INSIG1: variants seen among roughly 807,000 people sequenced by gnomAD.
INSIG1 encodes the protein insulin induced gene 1, also known as insulin-induced gene 1 protein.
Under a neutral mutation model 26.5 loss-of-function variants are expected in INSIG1, and 14 were observed. That is an observed-to-expected ratio of 0.53 (90% confidence interval 0.35 to 0.83). The LOEUF (loss-of-function observed/expected upper bound fraction) is 0.83, where lower values mean the gene tolerates loss of function less well. Ranked by LOEUF, INSIG1 falls within the 40% of genes least tolerant of loss-of-function variation. INSIG1 has a pLI of 0.01. For missense variants in INSIG1, 272 were observed against 368.9 expected (o/e 0.74, Z 2.15); for synonymous variants, 147 against 153.3 (o/e 0.96, Z 0.30).
intron 5 of INSIG1, among the ~76,000 whole-genome samples, chr7:155,305,898 T>G (rs1316802439): frequency 6.6e-6 from 1 of 152,262 alleles, no homozygotes; most frequent in Non-Finnish European, 1.5e-5. Context: ...TTCTATGTGG[T>G]ATTTCCCCCC....
Position 155,298,613 on chromosome 7 carries a change from A to C in INSIG1, c.328A>C (p.Asn110His). ...GCTCAACCTGCTGCAGATCCAGAGGAATGTCACTCTCTTCCCCGAGGAGGT... is the reference window on the plus strand; with the variant it reads ...GCTCAACCTGCTGCAGATCCAGAGGCATGTCACTCTCTTCCCCGAGGAGGT... ...LVLNLLQIQR[N>H]VTLFPEEVIA... is the part of the protein sequence containing the mutation. The change falls in exon 2 of 6, where the codon AAT becomes CAT. Residue 110 changes from asparagine (N) to histidine (H), a missense_variant. Physicochemically the swap from Asn to His is moderately conservative, Grantham distance 68. Transcript: ENST00000340368. The C allele has an allele frequency of 6.2e-7, 1 of 1,613,388 alleles. No individual in the cohort carries two copies.
chr7:155,300,756 G>C (rs1797761464), intron 2 of INSIG1, among the ~76,000 whole-genome samples: 1 of 152,150 alleles, frequency 6.6e-6, no homozygotes, highest in Non-Finnish European at 1.5e-5. Context: ...CTGTGTCCCA[G>C]TTACATAATC....
At chr7:155,300,099 A>G (rs1161944990) in intron 2 of INSIG1, among the ~76,000 whole-genome samples, 1 of 152,162 alleles carries the variant, frequency 6.6e-6, no homozygotes, top group East Asian at 1.9e-4. Context: ...ACATTTTTTG[A>G]GAACTATATC....
chr7:155,305,196 C>T (rs183286360), intron 5 of INSIG1, among the ~76,000 whole-genome samples: 8 of 151,856 alleles, frequency 5.3e-5, no homozygotes, highest in African/African-American at 1.9e-4. Flanking sequence ...TAATCCCCTT[C>T]CCTGCTGGGC....
rs1313501864 is a variant in INSIG1, at chr7:155,298,482, C to T, written c.197C>T (p.Ala66Val). The T allele has an allele frequency of 1.3e-6, 2 of 1,565,014 alleles. No individual in the cohort carries two copies. The highest frequency in any genetic ancestry group is 3.8e-5 in the Admixed American group (2 of 53,320). Residue 66 changes from alanine (A) to valine (V), a missense_variant, in exon 2 of 6, where the codon GCG becomes GTG. Physicochemically the swap from Ala to Val is moderately conservative, Grantham distance 64. Around this residue, in one of 2 missense-constraint regions of INSIG1, gnomAD observed 161 missense variants for 179.2 expected, o/e 0.90. Coordinates refer to ENST00000340368, the MANE Select transcript of INSIG1 (RefSeq NM_005542.6). ...ADPAPRGRSA[A>V]MSGPEPGSPY... ...CCCGCGCCCAGGGGCCGCAGTGCTG[C>T]GATGAGCGGCCCCGAGCCCGGCAGC...
rs1563034450 is a variant in INSIG1, at chr7:155,308,406, ACT to A, written c.*139_*140del. ...ACTGTACAAATGACTCCTGGAAAAAACTCTTCACCTAGTCTAGAATAGGGAGG... is the reference window on the plus strand; with the variant it reads ...ACTGTACAAATGACTCCTGGAAAAAACTTCACCTAGTCTAGAATAGGGAGG... On this transcript the variant is annotated 3_prime_UTR_variant, in exon 6 of 6. Transcript: ENST00000340368. 2 of 1,023,408 alleles carry A rather than the reference ACT, an allele frequency of 2.0e-6. No homozygotes were observed. The highest frequency in any genetic ancestry group is 3.1e-6 in the Non-Finnish European group (2 of 650,592). The allele number at this position is 1,023,408 out of a possible 1,614,324, so 63.4% of individuals were successfully genotyped here. A position where few individuals can be genotyped will look rare whatever the true frequency, so the allele number is the denominator to read the frequency against.
chr7:155,302,349 G>C lies in INSIG1; in HGVS notation c.636G>C (p.Gly212=), dbSNP rs776629161. ...TTGATCGTTCCAGAAGTGGCCTTGG[G>C]CTGGGGATCACCATAGCTTTTCTAG... ...WTFDRSRSGL[G]LGITIAFLAT... The change falls in exon 4 of 6, where the codon GGG becomes GGC. Residue 212 remains glycine (G), a synonymous_variant. Transcript: ENST00000340368. The surrounding 1 kb of genome is among the most constrained non-coding windows in gnomAD (Gnocchi z 4.3). The C allele has an allele frequency of 4.3e-6, 7 of 1,611,708 alleles. No individual in the cohort carries two copies. The highest frequency in any genetic ancestry group is 3.4e-6 in the Non-Finnish European group (4 of 1,178,940).
chr7:155,306,903 T>G (rs1361129321), intron 5 of INSIG1, among the ~76,000 whole-genome samples: 2 of 152,252 alleles, frequency 1.3e-5, no homozygotes, highest in African/African-American at 2.4e-5. Flanking sequence ...GCAACACTGC[T>G]GGAAGTCCCT....
chr7:155,302,120 A>C lies in INSIG1; in HGVS notation c.538-131A>C. ...CAACAAATCCTTTCTTTAGCTTATT[A>C]CACAGTTTTTATGGACAGTGAATTA... is the stretch of plus-strand genomic sequence containing the variant. On this transcript the variant is annotated intron_variant, in intron 3 of 5. Transcript: ENST00000340368. The surrounding 1 kb of genome is among the most constrained non-coding windows in gnomAD (Gnocchi z 4.3). 1.6e-6 allele frequency: 1 copy of C among 634,516 alleles called. No homozygotes were observed. Among genetic ancestry groups the C allele is most frequent in the Middle Eastern group, 4.1e-4 (1 of 2,440 alleles). The allele number at this position is 634,516 out of a possible 1,614,324, so 39.3% of individuals were successfully genotyped here. A position where few individuals can be genotyped will look rare whatever the true frequency, so the allele number is the denominator to read the frequency against.
At position 155,304,933 on chromosome 7, in the gene INSIG1, C is replaced by G. The variant is rs943849172; in HGVS notation, c.804+2087C>G. ...CGGGCGGATCACGAGGTCAGGAGAT[C>G]GAGACCATCCTGGCTAACACAGTGA... On this transcript the variant is annotated intron_variant, in intron 5 of 5. Coordinates refer to ENST00000340368, the MANE Select transcript of INSIG1 (RefSeq NM_005542.6). 2.0e-5 allele frequency among the ~76,000 whole-genome samples: 3 copies of G among 146,744 alleles called. No homozygotes were observed. The Admixed American group carries it at 2.1e-4, about 10-fold the overall frequency.
In INSIG1 at chr7:155,302,443, C is replaced by A; in HGVS notation, c.704+26C>A. ...GTAAGTGTGTGTTTTCAAATATTGG[C>A]TTTGGAAAGCTTACTTAACTTTCAT... On this transcript the variant is annotated intron_variant, in intron 4 of 5. Transcript: ENST00000340368. The surrounding 1 kb of genome is among the most constrained non-coding windows in gnomAD (Gnocchi z 4.3). The A allele has an allele frequency of 6.5e-7, 1 of 1,539,276 alleles. No homozygotes were observed. The highest frequency in any genetic ancestry group is 2.1e-5 in the Admixed American group (1 of 46,642).
Position 155,303,062 on chromosome 7 carries a change from C to A in INSIG1, c.804+216C>A. The A allele has an allele frequency of 9.2e-6, 4 of 435,472 alleles. No individual in the cohort carries two copies. The South Asian group carries it at 1.1e-4, about 12-fold the overall frequency. 27.0% of individuals were successfully genotyped at this position (435,472 alleles called of 1,614,324 possible). A position where few individuals can be genotyped will look rare whatever the true frequency, so the allele number is the denominator to read the frequency against. On this transcript the variant is annotated intron_variant, in intron 5 of 5. Coordinates refer to ENST00000340368, the MANE Select transcript of INSIG1 (RefSeq NM_005542.6). ...CATAATATTTGATCTAGAAAAGGAA[C>A]TAGAGCCCTCGCACTGCCCCTTTGA...
chr7:155,309,499 G>A lies in INSIG1; in HGVS notation c.*1229G>A, dbSNP rs559737203. ...AACCTTCGAAATACTCCAGTTTTGTGGGTTTGGTCATTTTTACTTATAAAT... is the reference window on the plus strand; with the variant it reads ...AACCTTCGAAATACTCCAGTTTTGTAGGTTTGGTCATTTTTACTTATAAAT... On this transcript the variant is annotated 3_prime_UTR_variant, in exon 6 of 6. Transcript: ENST00000340368. 2 of 152,628 alleles carry A rather than the reference G, an allele frequency of 1.3e-5. No homozygotes were observed. Among genetic ancestry groups the A allele is most frequent in the Admixed American group, 1.3e-4 (2 of 15,286 alleles). 9.5% of individuals were successfully genotyped at this position (152,628 alleles called of 1,614,324 possible).
intron 5 of INSIG1, chr7:155,303,866 G>T (rs369053471): frequency 1.5e-6 from 2 of 1,365,978 alleles, no homozygotes; most frequent in African/African-American, 3.0e-5. Flanking sequence ...AGACCACTTG[G>T]CTGTTTCACA....
intron 3 of INSIG1, among the ~76,000 whole-genome samples, chr7:155,301,896 A>G (rs1240911288): frequency 6.9e-6 from 1 of 144,534 alleles, no homozygotes; most frequent in African/African-American, 2.6e-5. Flanking sequence ...GTCAAAATAA[A>G]TATATATTTA....
chr7:155,302,008 C>T lies in INSIG1; in HGVS notation c.538-243C>T, dbSNP rs1163758589. ...ATATAAGCACTTTATATATAGCTTT[C>T]AGCAAGTTTATTCTTATGGTTAAGT... On this transcript the variant is annotated intron_variant, in intron 3 of 5. Coordinates refer to ENST00000340368, the MANE Select transcript of INSIG1 (RefSeq NM_005542.6). This position sits in a 1 kb window ranked among gnomAD's most constrained non-coding sequence, Gnocchi z 4.3. Among the ~76,000 whole-genome samples, 1 of 147,928 alleles carries T rather than the reference C, an allele frequency of 6.8e-6. No individual in the cohort carries two copies. Among genetic ancestry groups the T allele is most frequent in the Non-Finnish European group, 1.5e-5 (1 of 67,350 alleles).
In INSIG1 at chr7:155,298,232, G is replaced by A. The variant is rs1797675175; in HGVS notation, c.-27-27G>A. On this transcript the variant is annotated intron_variant, in intron 1 of 5. Coordinates refer to ENST00000340368, the MANE Select transcript of INSIG1 (RefSeq NM_005542.6). ...CTTCCTCGCTCTTTGTCTCTTCTGA[G>A]TGAACTTGATGACCCCCTTCTTCCA... 11 of 1,423,766 alleles carry A rather than the reference G, an allele frequency of 7.7e-6. No homozygotes were observed. In the South Asian group the frequency reaches 1.6e-4, roughly 20 times the overall value. The allele number at this position is 1,423,766 out of a possible 1,614,324, so 88.2% of individuals were successfully genotyped here. A position where few individuals can be genotyped will look rare whatever the true frequency, so the allele number is the denominator to read the frequency against.
chr7:155,300,982 G>C (rs1797768489), intron 2 of INSIG1, among the ~76,000 whole-genome samples: 1 of 152,216 alleles, frequency 6.6e-6, no homozygotes, highest in African/African-American at 2.4e-5. Flanking sequence ...TAGGTGCTCA[G>C]TGCCTCGTAC....
At position 155,302,656 on chromosome 7, in the gene INSIG1, G is replaced by A. The variant is rs1037526812; in HGVS notation, c.705-91G>A. Reference sequence around the variant, plus strand: ...TCGTAACATTGGATGGTTGATATGCGTTCTGCATATCCCCACTACAGAGAA... The same window carrying A: ...TCGTAACATTGGATGGTTGATATGCATTCTGCATATCCCCACTACAGAGAA... On this transcript the variant is annotated intron_variant, in intron 4 of 5. Coordinates refer to ENST00000340368, the MANE Select transcript of INSIG1 (RefSeq NM_005542.6). This position sits in a 1 kb window ranked among gnomAD's most constrained non-coding sequence, Gnocchi z 4.3. The A allele has an allele frequency of 6.3e-5, 61 of 961,126 alleles. No homozygotes were observed. Among genetic ancestry groups the A allele is most frequent in the South Asian group, 1.1e-4 (8 of 71,474 alleles). 59.5% of individuals were successfully genotyped at this position (961,126 alleles called of 1,614,324 possible). A position where few individuals can be genotyped will look rare whatever the true frequency, so the allele number is the denominator to read the frequency against.
Sources: allele counts gnomAD v4.1 joint callset (sites outside exome capture counted in the v4.1 genomes callset), GRCh38; gene constraint gnomAD v4.1.1; regional missense constraint gnomAD v4.1.1; non-coding constraint Gnocchi (gnomAD v3.1); transcripts MANE v1.5; gene names NCBI Gene and HGNC (gene_info 2026-07-23, HGNC 2026-07-21).